Variants in LRRC4C observed in about 807,000 individuals in gnomAD.
LRRC4C encodes the protein leucine-rich repeat-containing protein 4C.
LRRC4C carries 5 observed loss-of-function variants against 33.6 expected under a neutral mutation model. The ratio of observed to expected loss-of-function variants is 0.15; its 90% CI spans 0.08 to 0.31. The LOEUF (loss-of-function observed/expected upper bound fraction) is 0.31, where lower values mean the gene tolerates loss of function less well. Ranked by LOEUF, LRRC4C falls within the 10% of genes least tolerant of loss-of-function variation. The pLI, the probability that LRRC4C is intolerant of heterozygous loss-of-function variation, is 1.00. For missense variants in LRRC4C, 560 were observed against 796.7 expected (o/e 0.70, Z 3.58); for synonymous variants, 329 against 302.0 (o/e 1.09, Z -0.93).
intron 3 of LRRC4C, among the ~76,000 whole-genome samples, chr11:40,436,627 T>C (rs1951150848): frequency 6.6e-6 from 1 of 152,192 alleles, no homozygotes; most frequent in Non-Finnish European, 1.5e-5. Context: ...TCAATAGAGC[T>C]ATTACAGACT....
chr11:40,458,295 A>T (rs187615729), intron 3 of LRRC4C, among the ~76,000 whole-genome samples: 1 of 152,278 alleles, frequency 6.6e-6, no homozygotes, highest in Admixed American at 6.5e-5. Flanking sequence ...ACGTATAATC[A>T]TAGTAAGTCT....
At position 40,683,693 on chromosome 11, in the gene LRRC4C, T is replaced by C. The variant is rs143847116; in HGVS notation, c.-406-35415A>G. 4.8e-3 allele frequency among the ~76,000 whole-genome samples: 725 copies of C among 152,184 alleles called. 8 individuals carry two copies. Among genetic ancestry groups the C allele is most frequent in the African/African-American group, 0.017 (694 of 41,534 alleles). ...ATTTATTTAAAGATCATACGAAAAC[T>C]GTAGAAAAGGTTTGGTTCTGCATGA... On this transcript the variant is annotated intron_variant, in intron 2 of 6. Coordinates refer to ENST00000528697, the MANE Select transcript of LRRC4C (RefSeq NM_001258419.2).
chr11:40,746,487 C>T (rs1411395406), intron 2 of LRRC4C, among the ~76,000 whole-genome samples: 1 of 152,130 alleles, frequency 6.6e-6, no homozygotes, highest in Non-Finnish European at 1.5e-5. Flanking sequence ...GTAGAGTACA[C>T]AGTTTCAATT....
In LRRC4C at chr11:41,203,094, A is replaced by T. The variant is rs139002827; in HGVS notation, c.-496+256337T>A. 6.5e-4 allele frequency among the ~76,000 whole-genome samples: 99 copies of T among 152,204 alleles called. 4 individuals carry two copies. The East Asian group carries it at 0.018, about 27-fold the overall frequency. On this transcript the variant is annotated intron_variant, in intron 1 of 6. Transcript: ENST00000528697. ...AGCCACTGTGCCCGGTCAAAAACTG[A>T]TTTCTTTCTTCAGTTTCTTGGGCTG...
chr11:40,640,994 C>G (rs1173423567), intron 3 of LRRC4C, among the ~76,000 whole-genome samples: 5 of 123,772 alleles, frequency 4.0e-5, no homozygotes, highest in Non-Finnish European at 7.9e-5. Context: ...CCAGCCCGCG[C>G]TACAGAGCGA....
intron 1 of LRRC4C, among the ~76,000 whole-genome samples, chr11:41,323,178 T>C (rs1397961730): frequency 2.0e-5 from 3 of 152,184 alleles, no homozygotes; most frequent in African/African-American, 7.2e-5. Flanking sequence ...ATATTTCTTT[T>C]AATCTATTGC....
intron 1 of LRRC4C, among the ~76,000 whole-genome samples, chr11:41,273,948 G>A (rs1002596540): frequency 1.3e-5 from 2 of 152,116 alleles, no homozygotes; most frequent in East Asian, 1.9e-4. Flanking sequence ...AAGGAGAAAC[G>A]GAGTGATGTT....
intron 2 of LRRC4C, among the ~76,000 whole-genome samples, chr11:40,670,453 T>C (rs981296941): frequency 3.3e-5 from 5 of 152,228 alleles, no homozygotes; most frequent in African/African-American, 1.2e-4. Context: ...ATCAGACCAA[T>C]GTGAATACCA....
chr11:40,528,946 A>G (rs1217156739), intron 3 of LRRC4C, among the ~76,000 whole-genome samples: 2 of 152,200 alleles, frequency 1.3e-5, no homozygotes, highest in East Asian at 3.9e-4. Context: ...TCAAACTCAT[A>G]GAAGCAGAGA....
At chr11:40,942,854 C>A (rs1021701033) in intron 1 of LRRC4C, among the ~76,000 whole-genome samples, 2 of 152,106 alleles carry the variant, frequency 1.3e-5, no homozygotes, top group African/African-American at 4.8e-5. Context: ...CTAACTCTAA[C>A]ACCTACCAAC....
At chr11:40,741,443 T>A (rs1354933723) in intron 2 of LRRC4C, among the ~76,000 whole-genome samples, 1 of 152,028 alleles carries the variant, frequency 6.6e-6, no homozygotes, top group African/African-American at 2.4e-5. Flanking sequence ...CGCATTTTAC[T>A]TGGGACAACT....
At chr11:40,682,530 C>A (rs904365261) in intron 2 of LRRC4C, among the ~76,000 whole-genome samples, 2 of 152,092 alleles carry the variant, frequency 1.3e-5, no homozygotes, top group African/African-American at 2.4e-5. Context: ...AATCCCAGCA[C>A]TTTGGGAGGC....
At chr11:40,387,213 A>G (rs1004929154) in intron 3 of LRRC4C, among the ~76,000 whole-genome samples, 3 of 152,112 alleles carry the variant, frequency 2.0e-5, no homozygotes, top group Admixed American at 1.3e-4. Context: ...TATATAATGC[A>G]TTTAGAATAC....
chr11:40,836,369 C>T (rs1952667500), intron 2 of LRRC4C, among the ~76,000 whole-genome samples: 1 of 152,138 alleles, frequency 6.6e-6, no homozygotes, highest in Admixed American at 6.5e-5. Flanking sequence ...TCTGTTGTAG[C>T]AAGTGAGGTG....
At chr11:40,467,142 T>G (rs763663280) in intron 3 of LRRC4C, among the ~76,000 whole-genome samples, 1 of 152,096 alleles carries the variant, frequency 6.6e-6, no homozygotes, top group Non-Finnish European at 1.5e-5. Flanking sequence ...AATTATGGAC[T>G]CTTAGACTGC....
intron 1 of LRRC4C, among the ~76,000 whole-genome samples, chr11:41,285,828 T>A (rs1229552778): frequency 3.3e-5 from 5 of 152,006 alleles, no homozygotes; most frequent in Admixed American, 3.3e-4. Context: ...ATTTTATTTA[T>A]TTTATTTTAT....
chr11:40,451,561 T>C (rs1312841942), intron 3 of LRRC4C, among the ~76,000 whole-genome samples: 1 of 151,636 alleles, frequency 6.6e-6, no homozygotes, highest in Non-Finnish European at 1.5e-5. Flanking sequence ...AATTTTTGTA[T>C]TTTTAGTAGA....
At chr11:41,140,033 G>A (rs900439936) in intron 1 of LRRC4C, among the ~76,000 whole-genome samples, 4 of 152,044 alleles carry the variant, frequency 2.6e-5, no homozygotes, top group Admixed American at 6.6e-5. Context: ...AAATAGTCCC[G>A]GTTTCAAAAC....
At chr11:41,343,933 A>G (rs1951718580) in intron 1 of LRRC4C, among the ~76,000 whole-genome samples, 1 of 152,220 alleles carries the variant, frequency 6.6e-6, no homozygotes. Flanking sequence ...AACAAAATGT[A>G]AAACTTTCCG....
Sources: allele counts gnomAD v4.1 joint callset (sites outside exome capture counted in the v4.1 genomes callset), GRCh38; gene constraint gnomAD v4.1.1; transcripts MANE v1.5; gene names NCBI Gene and HGNC (gene_info 2026-07-23, HGNC 2026-07-21).